TMEM17: variants seen among roughly 807,000 people sequenced by gnomAD.
TMEM17 encodes transmembrane protein 17.
TMEM17 carries 15 observed loss-of-function variants against 19.1 expected under a neutral mutation model. The ratio of observed to expected loss-of-function variants is 0.78; its 90% CI spans 0.52 to 1.21. The LOEUF (loss-of-function observed/expected upper bound fraction) is 1.21, where lower values mean the gene tolerates loss of function less well. Ranked by LOEUF, TMEM17 falls within the 50% of genes most tolerant of loss-of-function variation. The probability of loss-of-function intolerance (pLI) is 0.00; values close to 1 mark genes in which losing one functional copy is unlikely to be tolerated. For synonymous variants in TMEM17, 103 were observed against 86.9 expected, an observed-to-expected ratio of 1.19 and a Z score of -1.03; for missense variants, 245 against 242.3, an observed-to-expected ratio of 1.01 and a Z score of -0.07.
At chr2:62,476,311 CTT>C in the TMEM17 span, among the ~76,000 whole-genome samples, 4 of 152,216 alleles carry the variant, frequency 2.6e-5, no homozygotes, top group African/African-American at 9.7e-5. Flanking sequence ...CAGCCTGACT[CTT>C]ATCCAAAAAC....
At chr2:62,481,698 G>GGTGTGTGTGTGTGTGT in the TMEM17 span, among the ~76,000 whole-genome samples, 89 of 144,160 alleles carry the variant, frequency 6.2e-4, no homozygotes, top group Middle Eastern at 3.5e-3. Flanking sequence ...ACCCCTTAAA[G>GGTGTGTGTGTGTGTGT]GTGTGTGTGT....
chr2:62,497,932 C>A (rs775508045), downstream of TMEM17, among the ~76,000 whole-genome samples: 2 of 152,192 alleles, frequency 1.3e-5, no homozygotes, highest in Non-Finnish European at 2.9e-5. Context: ...CATAAAGTTA[C>A]GCTTTTTTAC....
At chr2:62,464,431 C>A in the TMEM17 span, among the ~76,000 whole-genome samples, 1 of 152,218 alleles carries the variant, frequency 6.6e-6, no homozygotes, top group Non-Finnish European at 1.5e-5. Context: ...GCGCAGCGGG[C>A]TGAGTAAACA....
chr2:62,471,750 G>C, the TMEM17 span, among the ~76,000 whole-genome samples: 1 of 152,254 alleles, frequency 6.6e-6, no homozygotes, highest in Non-Finnish European at 1.5e-5. Context: ...GGGCAAGGCT[G>C]AGGCTGGAAG....
intron 1 of TMEM17, among the ~76,000 whole-genome samples, chr2:62,505,107 T>G (rs547007491): frequency 1.4e-4 from 21 of 152,278 alleles, no homozygotes; most frequent in Non-Finnish European, 2.5e-4. Flanking sequence ...GGTGACAAAA[T>G]GCAGCTTTGG....
chr2:62,489,042 C>T, the TMEM17 span, among the ~76,000 whole-genome samples: 1 of 152,176 alleles, frequency 6.6e-6, no homozygotes, highest in Non-Finnish European at 1.5e-5. Flanking sequence ...CAGAACACAT[C>T]ACATATATCC....
chr2:62,454,358 G>A, the TMEM17 span, among the ~76,000 whole-genome samples: 2 of 152,320 alleles, frequency 1.3e-5, no homozygotes, highest in South Asian at 2.1e-4. Flanking sequence ...TGTGTGAATC[G>A]TGGCTGCATG....
At chr2:62,478,775 A>G in the TMEM17 span, among the ~76,000 whole-genome samples, 1 of 152,192 alleles carries the variant, frequency 6.6e-6, no homozygotes, top group African/African-American at 2.4e-5. Context: ...AAAAAATTAA[A>G]AGATAAGTTT....
chr2:62,458,446 A>G, the TMEM17 span, among the ~76,000 whole-genome samples: 4 of 152,328 alleles, frequency 2.6e-5, no homozygotes, highest in South Asian at 6.2e-4. Flanking sequence ...TAGGAGCCAG[A>G]CCACGTGGGT....
the TMEM17 span, among the ~76,000 whole-genome samples, chr2:62,470,969 T>TG: frequency 6.6e-6 from 1 of 152,120 alleles, no homozygotes; most frequent in East Asian, 1.9e-4. Flanking sequence ...GGTCCTCTCC[T>TG]GGGGGCTACA....
the TMEM17 span, among the ~76,000 whole-genome samples, chr2:62,460,352 C>G: frequency 6.6e-6 from 1 of 152,224 alleles, no homozygotes; most frequent in African/African-American, 2.4e-5. Context: ...CATGGAGCGC[C>G]ATGCCCACCC....
At chr2:62,460,829 C>T in the TMEM17 span, among the ~76,000 whole-genome samples, 3 of 152,164 alleles carry the variant, frequency 2.0e-5, no homozygotes, top group Non-Finnish European at 4.4e-5. Flanking sequence ...ATGCTATTTT[C>T]GATTTGATGA....
chr2:62,467,562 G>T, the TMEM17 span, among the ~76,000 whole-genome samples: 2 of 152,202 alleles, frequency 1.3e-5, no homozygotes, highest in African/African-American at 2.4e-5. Flanking sequence ...CTGAGCACTT[G>T]TCTCTTCTGG....
the TMEM17 span, among the ~76,000 whole-genome samples, chr2:62,456,901 C>T: frequency 6.6e-6 from 1 of 152,362 alleles, no homozygotes; most frequent in Admixed American, 6.5e-5. Context: ...AGGGTGGCGG[C>T]GGGGACAGGA....
chr2:62,469,419 C>A, the TMEM17 span, among the ~76,000 whole-genome samples: 2 of 152,194 alleles, frequency 1.3e-5, no homozygotes, highest in Non-Finnish European at 2.9e-5. Flanking sequence ...TAGCTTCTTG[C>A]CAAGATCTTT....
At chr2:62,461,438 T>G in the TMEM17 span, among the ~76,000 whole-genome samples, 1 of 152,160 alleles carries the variant, frequency 6.6e-6, no homozygotes, top group South Asian at 2.1e-4. Context: ...TGCTTGGCCA[T>G]TCCTGCCTGG....
the TMEM17 span, among the ~76,000 whole-genome samples, chr2:62,479,347 A>G: frequency 6.6e-6 from 1 of 152,172 alleles, no homozygotes; most frequent in Non-Finnish European, 1.5e-5. Flanking sequence ...TGCCTGGCTT[A>G]TTCACTAAAC....
chr2:62,495,313 C>T (rs114468811), downstream of TMEM17, among the ~76,000 whole-genome samples: 1,465 of 152,308 alleles, frequency 9.6e-3, 21 homozygotes, highest in African/African-American at 0.033. Context: ...GATGCCTAGC[C>T]TCACTTTCAG....
chr2:62,476,427 T>G, the TMEM17 span, among the ~76,000 whole-genome samples: 2 of 152,220 alleles, frequency 1.3e-5, no homozygotes, highest in Non-Finnish European at 2.9e-5. Flanking sequence ...CAACAGCTTC[T>G]GCAGAAAGAC....
Sources: gnomAD v4.1 joint callset for allele counts (sites outside exome capture counted in the v4.1 genomes callset) on GRCh38, gnomAD v4.1.1 for gene constraint, MANE v1.5 for transcripts, NCBI Gene and HGNC (gene_info 2026-07-23, HGNC 2026-07-21) for gene names.